SCLY: variants seen among roughly 807,000 people sequenced by gnomAD.
SCLY encodes the protein selenocysteine lyase.
Under a neutral mutation model 50.1 loss-of-function variants are expected in SCLY, and 38 were observed. That is an observed-to-expected ratio of 0.76 (90% CI 0.59 to 0.99). The LOEUF is 0.99. SCLY is among the 50% of genes least tolerant of loss of function. The pLI, the probability that SCLY is intolerant of heterozygous loss-of-function variation, is 0.00. For missense variants in SCLY, 600 were observed against 620.0 expected (o/e 0.97, Z 0.34); for synonymous variants, 243 against 249.4 (o/e 0.97, Z 0.24).
At position 238,082,090 on chromosome 2, in the gene SCLY, C is replaced by A; in HGVS notation, c.658C>A (p.Arg220=). The A allele has an allele frequency of 6.2e-7, 1 of 1,613,836 alleles. No homozygotes were observed. The highest frequency in any genetic ancestry group is 8.5e-7 in the Non-Finnish European group (1 of 1,180,000). The change falls in exon 6 of 12, where the codon CGG becomes AGG. Residue 220 remains arginine (R), a synonymous_variant. Coordinates refer to ENST00000254663, the MANE Select transcript of SCLY (RefSeq NM_016510.7). The stretch of plus-strand genomic sequence containing the variant: ...GCGCATTAAAGCCCTGAACCAGGAA[C>A]GGGTGGCAGCTGGGCTACCTCCCAT... ...SQRIKALNQE[R]VAAGLPPILV...
chr2:238,085,733 A>G (rs566916701), intron 7 of SCLY, among the ~76,000 whole-genome samples: 2 of 152,230 alleles, frequency 1.3e-5, no homozygotes, highest in East Asian at 3.9e-4. Context: ...AAAAAATAAA[A>G]AGAATGGGGT....
intron 1 of SCLY, 84 bp downstream of exon 1, chr2:238,061,227 C>A: frequency 9.5e-7 from 1 of 1,055,440 alleles, no homozygotes; most frequent in Non-Finnish European, 1.4e-6. Flanking sequence ...GGGCTCCCGG[C>A]CTGTGGCCGC....
intron 8 of SCLY, chr2:238,092,856 G>T: frequency 6.5e-6 from 1 of 153,128 alleles, no homozygotes; most frequent in Non-Finnish European, 1.5e-5. Context: ...TTGGTTGCGT[G>T]CTGGCAGCCC....
rs2065258361 is a variant in SCLY at position 238,083,389 on chromosome 2, T to C, written c.884+35T>C. Reference sequence around the variant, plus strand: ...AAAGTTAACAAAGTCTCTGACCTACTGACCGTGTCATTTGTAGAGCAGTGA... The same window carrying C: ...AAAGTTAACAAAGTCTCTGACCTACCGACCGTGTCATTTGTAGAGCAGTGA... On this transcript the variant is annotated intron_variant, in intron 7 of 11. Coordinates refer to ENST00000254663, the MANE Select transcript of SCLY (RefSeq NM_016510.7). The surrounding 1 kb of genome is among the most constrained non-coding windows in gnomAD (Gnocchi z 4.3). The C allele has an allele frequency of 3.5e-6, 5 of 1,416,842 alleles. No individual in the cohort carries two copies. The highest frequency in any genetic ancestry group is 5.0e-6 in the Non-Finnish European group (5 of 1,000,682). 87.8% of individuals were successfully genotyped at this position (1,416,842 alleles called of 1,614,324 possible).
At chr2:238,064,309 A>G in intron 1 of SCLY, 48 bp from the exon 2 acceptor site, 1 of 1,245,012 alleles carries the variant, frequency 8.0e-7, no homozygotes, top group Non-Finnish European at 1.1e-6. Flanking sequence ...TATTTCCCAT[A>G]TGCCATCTCC....
At chr2:238,078,448 A>C (rs1341810393) in intron 4 of SCLY, 1 of 152,144 alleles carries the variant, frequency 6.6e-6, no homozygotes, top group Non-Finnish European at 1.5e-5. Context: ...TTCTAATTTA[A>C]CATCAAAATT....
rs1032901567 is a variant in SCLY at position 238,067,199 on chromosome 2, A to G, written c.203-866A>G. Among the ~76,000 whole-genome samples, 2 of 152,168 alleles carry G rather than the reference A, an allele frequency of 1.3e-5. No individual in the cohort carries two copies. Among genetic ancestry groups the G allele is most frequent in the Non-Finnish European group, 2.9e-5 (2 of 68,012 alleles). ...AAATGATGGAGTTTTCCTAAACACC[A>G]CTTAGGTGTTTAGGAAACTACTACT... On this transcript the variant is annotated intron_variant, in intron 2 of 11. Coordinates refer to ENST00000254663, the MANE Select transcript of SCLY (RefSeq NM_016510.7). The surrounding 1 kb of genome is among the most constrained non-coding windows in gnomAD (Gnocchi z 4.3).
chr2:238,064,287 A>C, intron 1 of SCLY, 70 bp from the exon 2 acceptor site: 1 of 984,102 alleles, frequency 1.0e-6, no homozygotes, highest in Non-Finnish European at 1.5e-6. Flanking sequence ...TGGGATAGAC[A>C]CAGAGCAGCC....
intron 8 of SCLY, chr2:238,092,172 A>C (rs1235393391): frequency 6.6e-6 from 1 of 152,270 alleles, no homozygotes. Flanking sequence ...TGCAGCCTCC[A>C]TCTCCCGGGT....
intron 4 of SCLY, among the ~76,000 whole-genome samples, chr2:238,078,304 T>G (rs2065194315): frequency 1.3e-5 from 2 of 152,214 alleles, no homozygotes; most frequent in Non-Finnish European, 2.9e-5. Flanking sequence ...TTAGATTGTT[T>G]AATCATTCAC....
chr2:238,074,075 G>A (rs1023833882), intron 4 of SCLY, among the ~76,000 whole-genome samples: 5 of 152,020 alleles, frequency 3.3e-5, no homozygotes, highest in Admixed American at 1.3e-4. Flanking sequence ...GAGGTGAAGC[G>A]GGGAACGGAT....
At position 238,096,786 on chromosome 2, in the gene SCLY, GCT is replaced by G; in HGVS notation, c.1109-12_1109-11del. The G allele has an allele frequency of 6.2e-7, 1 of 1,603,822 alleles. No homozygotes were observed. ...CTGGAGCCCCATCTCAGGGGCATGTGCTCTGTCTCCGCAGGCCACGTGGTGCT... is the reference window on the plus strand; with the variant it reads ...CTGGAGCCCCATCTCAGGGGCATGTGCTGTCTCCGCAGGCCACGTGGTGCT... On this transcript the variant is annotated splice_polypyrimidine_tract_variant and intron_variant, in intron 10 of 11. Transcript: ENST00000254663.
chr2:238,072,795 G>C (rs1304327548), intron 4 of SCLY, among the ~76,000 whole-genome samples: 1 of 152,136 alleles, frequency 6.6e-6, no homozygotes, highest in African/African-American at 2.4e-5. Context: ...TTGTCAGATA[G>C]ATGATTTGTA....
At chr2:238,063,459 G>C (rs755777842) in intron 1 of SCLY, among the ~76,000 whole-genome samples, 4 of 152,148 alleles carry the variant, frequency 2.6e-5, no homozygotes, top group Non-Finnish European at 5.9e-5. Flanking sequence ...CTAACCTCAA[G>C]TGATCCACCT....
At chr2:238,061,306 G>A in intron 1 of SCLY, 163 bp downstream of exon 1, 1 of 719,568 alleles carries the variant, frequency 1.4e-6, no homozygotes, top group South Asian at 1.5e-5. Flanking sequence ...GAGCTTCAAG[G>A]AGGAGCGGGT....
chr2:238,074,355 G>A (rs1472633379), intron 4 of SCLY, among the ~76,000 whole-genome samples: 1 of 151,642 alleles, frequency 6.6e-6, no homozygotes, highest in Non-Finnish European at 1.5e-5. Flanking sequence ...ACAAATTTTC[G>A]ACTACCTGAG....
intron 2 of SCLY, chr2:238,065,001 G>A (rs945424935): frequency 9.2e-5 from 14 of 152,312 alleles, no homozygotes; most frequent in African/African-American, 3.4e-4. Flanking sequence ...ATATGACAGA[G>A]TTACATTCTG....
chr2:238,098,750 C>A lies in SCLY; in HGVS notation c.*395C>A. 1 of 394,540 alleles carries A rather than the reference C, an allele frequency of 2.5e-6. No homozygotes were observed. Among genetic ancestry groups the A allele is most frequent in the Non-Finnish European group, 4.5e-6 (1 of 224,518 alleles). The allele number at this position is 394,540 out of a possible 1,614,324, so 24.4% of individuals were successfully genotyped here. A position where few individuals can be genotyped will look rare whatever the true frequency, so the allele number is the denominator to read the frequency against. On this transcript the variant is annotated 3_prime_UTR_variant, in exon 12 of 12. Transcript: ENST00000254663. ...GGCACGCCTGTTGTGAGTGCCCTTT[C>A]CTGGAAGGTGTTTTTATCTGGAAGA...
intron 10 of SCLY, chr2:238,096,033 G>C (rs1439396027): frequency 6.5e-6 from 1 of 152,698 alleles, no homozygotes; most frequent in Non-Finnish European, 1.5e-5. Context: ...TCAGCGTCCA[G>C]AGTAGCTGGG....
Sources: allele counts gnomAD v4.1 joint callset (sites outside exome capture counted in the v4.1 genomes callset), GRCh38; gene constraint gnomAD v4.1.1; non-coding constraint Gnocchi (gnomAD v3.1); transcripts MANE v1.5; gene names NCBI Gene and HGNC (gene_info 2026-07-23, HGNC 2026-07-21).